VCL: variants seen among roughly 807,000 people sequenced by gnomAD.
The protein encoded by VCL is vinculin.
A neutral mutation model predicts 125.7 loss-of-function variants in VCL; 47 were observed. The ratio of observed to expected loss-of-function variants is 0.37; its 90% CI spans 0.30 to 0.48. VCL has a LOEUF of 0.48. Ranked by LOEUF, VCL falls within the 20% of genes least tolerant of loss-of-function variation. VCL has a pLI of 0.99. For synonymous variants in VCL, 458 were observed against 514.6 expected (o/e 0.89, Z 1.49); for missense variants, 1,069 against 1,455.5 (o/e 0.73, Z 4.32).
intron 16 of VCL, among the ~76,000 whole-genome samples, chr10:74,106,803 G>A (rs1197390509): frequency 6.6e-6 from 1 of 152,200 alleles, no homozygotes; most frequent in African/African-American, 2.4e-5. Flanking sequence ...TGAATGCCAA[G>A]GACAGCAAAG....
At chr10:74,089,491 A>G in intron 9 of VCL, 142 bp downstream of exon 9, 2 of 1,165,772 alleles carry the variant, frequency 1.7e-6, no homozygotes, top group Admixed American at 2.0e-5. Context: ...TCCAGCACTT[A>G]CCAATGTTAA....
chr10:74,093,264 T>A (rs927595562), intron 10 of VCL, among the ~76,000 whole-genome samples: 7 of 152,000 alleles, frequency 4.6e-5, no homozygotes, highest in African/African-American at 1.4e-4. Context: ...GCCACTGCAC[T>A]CCAGCCTGGG....
intron 1 of VCL, among the ~76,000 whole-genome samples, chr10:74,015,291 G>A (rs939154058): frequency 2.0e-5 from 3 of 152,190 alleles, no homozygotes; most frequent in South Asian, 2.1e-4. Context: ...TGTGGCTCAC[G>A]CCTGTAATCC....
intron 10 of VCL, among the ~76,000 whole-genome samples, chr10:74,091,515 C>G (rs537330241): frequency 6.6e-6 from 1 of 152,136 alleles, no homozygotes; most frequent in Non-Finnish European, 1.5e-5. Context: ...CATGGTAGCT[C>G]AGGCCTGTAA....
rs1437025225 is a variant in VCL at position 74,010,759 on chromosome 10, C to T, written c.168+12384C>T. ...GTCTTAAAATACCCCAAGACTTTCT[C>T]TGCCATCTGGGGAGCTGTGCTGTAG... is the stretch of plus-strand genomic sequence containing the variant. On this transcript the variant is annotated intron_variant, in intron 1 of 21. Transcript: ENST00000211998. 2.0e-5 allele frequency among the ~76,000 whole-genome samples: 3 copies of T among 152,328 alleles called. No individual in the cohort carries two copies. The East Asian group carries it at 5.8e-4, about 29-fold the overall frequency.
At chr10:74,089,398 C>G in intron 9 of VCL, 49 bp downstream of exon 9, 1 of 1,608,104 alleles carries the variant, frequency 6.2e-7, no homozygotes, top group Non-Finnish European at 8.5e-7. Flanking sequence ...CATAAATATC[C>G]TAAGTCATAA....
chr10:74,113,803 C>T (rs1333743923), intron 19 of VCL, among the ~76,000 whole-genome samples: 3 of 152,154 alleles, frequency 2.0e-5, no homozygotes, highest in Non-Finnish European at 4.4e-5. Flanking sequence ...GCCCTGTCCC[C>T]AGTTTATTGA....
chr10:74,002,943 G>C (rs1422471133), intron 1 of VCL, among the ~76,000 whole-genome samples: 1 of 150,146 alleles, frequency 6.7e-6, no homozygotes, highest in Non-Finnish European at 1.5e-5. Flanking sequence ...ATTAGGATTT[G>C]TAATTTCATG....
chr10:74,025,158 A>G (rs532468061), intron 1 of VCL, among the ~76,000 whole-genome samples: 1 of 152,258 alleles, frequency 6.6e-6, no homozygotes, highest in African/African-American at 2.4e-5. Context: ...CTGGGATTAC[A>G]GGTGTGCACC....
Position 74,020,606 on chromosome 10 carries a change from C to T in VCL, c.168+22231C>T, listed in dbSNP as rs569665080. Among the ~76,000 whole-genome samples the T allele has an allele frequency of 1.1e-4, 16 of 152,000 alleles. 1 individual carries two copies. In the South Asian group the frequency reaches 2.5e-3, roughly 24 times the overall value. ...CTGTAATCCCAACACCTTGGGAGAC[C>T]GAGGTGGGTGGACCACTTGAGCTCA... On this transcript the variant is annotated intron_variant, in intron 1 of 21. Coordinates refer to ENST00000211998, the MANE Select transcript of VCL (RefSeq NM_014000.3).
intron 2 of VCL, among the ~76,000 whole-genome samples, chr10:74,043,408 G>GC (rs1167742722): frequency 6.6e-6 from 1 of 151,474 alleles, no homozygotes; most frequent in African/African-American, 2.4e-5. Flanking sequence ...GTGCAATGGT[G>GC]CGATGTCAGC....
chr10:74,052,228 C>T (rs1217329355), intron 2 of VCL, among the ~76,000 whole-genome samples: 1 of 152,036 alleles, frequency 6.6e-6, no homozygotes, highest in Non-Finnish European at 1.5e-5. Context: ...GTCCAGTGTC[C>T]ACGCCCTGCC....
intron 2 of VCL, among the ~76,000 whole-genome samples, chr10:74,054,964 G>A (rs1841367059): frequency 6.6e-6 from 1 of 151,896 alleles, no homozygotes; most frequent in East Asian, 1.9e-4. Flanking sequence ...AATAATAATA[G>A]TGAGATTTTA....
chr10:74,091,893 A>G (rs1164808779), intron 10 of VCL, among the ~76,000 whole-genome samples: 1 of 148,744 alleles, frequency 6.7e-6, no homozygotes, highest in Non-Finnish European at 1.5e-5. Flanking sequence ...ATTTTTATTT[A>G]TGTATGTATT....
At chr10:74,052,745 T>C (rs942051299) in intron 2 of VCL, among the ~76,000 whole-genome samples, 1 of 142,508 alleles carries the variant, frequency 7.0e-6, no homozygotes, top group Non-Finnish European at 1.5e-5. Flanking sequence ...GTAGTAAGAC[T>C]TTTTTTTTTT....
rs12569946 is a variant in VCL at position 74,078,879 on chromosome 10, T to C, written c.784-3575T>C. 5.4e-4 allele frequency among the ~76,000 whole-genome samples: 82 copies of C among 151,962 alleles called. 3 individuals carry two copies. In the East Asian group the frequency reaches 0.013, roughly 24 times the overall value. Reference sequence around the variant, plus strand: ...AAATGAGGTTAGAAAGGGGATGGAGTGGGAAGACAGGTGTTGGTGGAGGGA... The same window carrying C: ...AAATGAGGTTAGAAAGGGGATGGAGCGGGAAGACAGGTGTTGGTGGAGGGA... On this transcript the variant is annotated intron_variant, in intron 6 of 21. Coordinates refer to ENST00000211998, the MANE Select transcript of VCL (RefSeq NM_014000.3).
chr10:74,032,372 G>A (rs1279731708), intron 1 of VCL, among the ~76,000 whole-genome samples: 1 of 151,844 alleles, frequency 6.6e-6, no homozygotes, highest in African/African-American at 2.4e-5. Context: ...CACAGACTGG[G>A]AAAAATATTT....
chr10:74,011,304 GA>G (rs1840431801), intron 1 of VCL, among the ~76,000 whole-genome samples: 1 of 152,048 alleles, frequency 6.6e-6, no homozygotes, highest in Admixed American at 6.6e-5. Context: ...TTAGACGTAG[GA>G]AATGGGGAAC....
At chr10:74,109,180 T>A in intron 18 of VCL, 24 bp downstream of exon 18, 1 of 1,613,696 alleles carries the variant, frequency 6.2e-7, no homozygotes, top group East Asian at 2.2e-5. Context: ...CTTTTCTTGT[T>A]GAGAAAGGAT....
Sources: allele counts gnomAD v4.1 joint callset (sites outside exome capture counted in the v4.1 genomes callset), GRCh38; gene constraint gnomAD v4.1.1; transcripts MANE v1.5; gene names NCBI Gene and HGNC (gene_info 2026-07-23, HGNC 2026-07-21).